RIT2: variants seen among roughly 807,000 people sequenced by gnomAD.
The protein encoded by RIT2 is GTP-binding protein Rit2.
A neutral mutation model predicts 23.7 loss-of-function variants in RIT2; 24 were observed. That is an observed-to-expected ratio of 1.01 (90% confidence interval 0.73 to 1.43). The LOEUF (loss-of-function observed/expected upper bound fraction) is 1.43. Among genes scored for constraint, RIT2 ranks in the 40% most tolerant of loss-of-function variants. The pLI, the probability that RIT2 is intolerant of heterozygous loss-of-function variation, is 0.00. For missense variants in RIT2, 236 were observed against 266.9 expected (o/e 0.88, Z 0.81); for synonymous variants, 107 against 91.1 (o/e 1.17, Z -0.99).
At chr18:42,968,009 T>C (rs1910277302) in intron 3 of RIT2, among the ~76,000 whole-genome samples, 1 of 152,166 alleles carries the variant, frequency 6.6e-6, no homozygotes. Flanking sequence ...TAATATCAAA[T>C]AGACTCAGAA....
chr18:42,820,038 T>C (rs1005559905), intron 4 of RIT2, among the ~76,000 whole-genome samples: 6 of 152,188 alleles, frequency 3.9e-5, no homozygotes, highest in African/African-American at 1.4e-4. Flanking sequence ...TATCATTTTA[T>C]TCATGTGGAT....
intron 4 of RIT2, among the ~76,000 whole-genome samples, chr18:42,758,674 C>T (rs146117710): frequency 0.02 from 2,618 of 129,594 alleles, 79 homozygotes; most frequent in African/African-American, 0.065. Flanking sequence ...CCACTGCACC[C>T]GGCTAATTTT....
chr18:43,056,753 C>G (rs1055092404), intron 1 of RIT2, among the ~76,000 whole-genome samples: 3 of 152,094 alleles, frequency 2.0e-5, no homozygotes, highest in Non-Finnish European at 2.9e-5. Context: ...TGAGTTGCTC[C>G]AGGCATTAGT....
intron 3 of RIT2, 32 bp from the exon 4 acceptor site, chr18:42,923,795 G>A (rs1909115123): frequency 1.3e-6 from 2 of 1,497,748 alleles, no homozygotes; most frequent in South Asian, 1.2e-5. Context: ...ATTAGTTATG[G>A]GCTTTCAATA....
rs537630539 is a variant in RIT2, at chr18:43,085,708, G to A, written c.103+29709C>T. ...CTTAAGGTTGTAGAGTATAGGGTTA[G>A]CATACCTTATCCAGTGACGTGGTTT... On this transcript the variant is annotated intron_variant, in intron 1 of 4. Coordinates refer to ENST00000326695, the MANE Select transcript of RIT2 (RefSeq NM_002930.4). 4.6e-5 allele frequency among the ~76,000 whole-genome samples: 7 copies of A among 152,246 alleles called. No homozygotes were observed. In the South Asian group the frequency reaches 1.5e-3, roughly 32 times the overall value.
chr18:43,043,524 G>T (rs1464345200), intron 1 of RIT2, among the ~76,000 whole-genome samples: 1 of 152,074 alleles, frequency 6.6e-6, no homozygotes, highest in African/African-American at 2.4e-5. Context: ...GGGCCTGGTG[G>T]CTCACGCTTG....
At position 43,079,590 on chromosome 18, in the gene RIT2, A is replaced by C. The variant is rs182092030; in HGVS notation, c.103+35827T>G. 3.3e-5 allele frequency among the ~76,000 whole-genome samples: 5 copies of C among 152,312 alleles called. 1 individual carries two copies. Among genetic ancestry groups the C allele is most frequent in the Admixed American group, 2.6e-4 (4 of 15,300 alleles). On this transcript the variant is annotated intron_variant, in intron 1 of 4. Coordinates refer to ENST00000326695, the MANE Select transcript of RIT2 (RefSeq NM_002930.4). ...AAAGCTGTCAAGAGGGTTCCTTGGA[A>C]AAACTCCAAGCAAGGGAAACCTGAC...
intron 1 of RIT2, among the ~76,000 whole-genome samples, chr18:43,059,859 C>G (rs565492104): frequency 6.6e-6 from 1 of 151,980 alleles, no homozygotes; most frequent in Non-Finnish European, 1.5e-5. Context: ...GATCAATTAA[C>G]TAGCAGGTTC....
intron 4 of RIT2, among the ~76,000 whole-genome samples, chr18:42,845,627 C>T (rs1906886707): frequency 6.7e-6 from 1 of 148,320 alleles, no homozygotes; most frequent in Admixed American, 6.7e-5. Context: ...TCCTTACATT[C>T]CAAATAATTT....
chr18:42,800,855 T>G (rs1905520167), intron 4 of RIT2, among the ~76,000 whole-genome samples: 1 of 152,058 alleles, frequency 6.6e-6, no homozygotes, highest in East Asian at 1.9e-4. Flanking sequence ...TCCTCCAAAC[T>G]CTCTTATGTT....
At chr18:42,989,022 G>A (rs560165662) in intron 2 of RIT2, among the ~76,000 whole-genome samples, 3 of 152,144 alleles carry the variant, frequency 2.0e-5, no homozygotes, top group Non-Finnish European at 4.4e-5. Flanking sequence ...TGAATATGAA[G>A]TTTTAATAAG....
At chr18:42,881,735 G>C (rs1207379023) in intron 4 of RIT2, among the ~76,000 whole-genome samples, 2 of 152,106 alleles carry the variant, frequency 1.3e-5, no homozygotes, top group Non-Finnish European at 2.9e-5. Flanking sequence ...CCCCTCTTCT[G>C]TGCTTCCTAG....
At chr18:43,092,178 T>C (rs921941733) in intron 1 of RIT2, among the ~76,000 whole-genome samples, 1 of 152,062 alleles carries the variant, frequency 6.6e-6, no homozygotes, top group African/African-American at 2.4e-5. Context: ...CTTTAGATTG[T>C]AGATGCCCAT....
At chr18:42,842,127 G>C (rs1047442523) in intron 4 of RIT2, among the ~76,000 whole-genome samples, 4 of 152,146 alleles carry the variant, frequency 2.6e-5, no homozygotes, top group Non-Finnish European at 2.9e-5. Context: ...TTCTCCCCAG[G>C]GGAAAACATT....
chr18:42,798,658 C>T (rs1472699935), intron 4 of RIT2, among the ~76,000 whole-genome samples: 2 of 152,242 alleles, frequency 1.3e-5, no homozygotes, highest in Admixed American at 6.5e-5. Flanking sequence ...TGACATTGCA[C>T]CTTATGTTCT....
chr18:43,072,517 C>A (rs1401043885), intron 1 of RIT2, among the ~76,000 whole-genome samples: 3 of 152,170 alleles, frequency 2.0e-5, no homozygotes, highest in Admixed American at 1.3e-4. Flanking sequence ...CTCTTCAAGT[C>A]TTTGGTAAAT....
chr18:42,884,470 CT>C (rs1476147751), intron 4 of RIT2, among the ~76,000 whole-genome samples: 1 of 152,174 alleles, frequency 6.6e-6, no homozygotes, highest in Non-Finnish European at 1.5e-5. Context: ...ATTTCTATCA[CT>C]TTTTCTCCTC....
chr18:42,832,321 T>C (rs1047978965), intron 4 of RIT2, among the ~76,000 whole-genome samples: 1 of 152,218 alleles, frequency 6.6e-6, no homozygotes, highest in African/African-American at 2.4e-5. Flanking sequence ...AAATATGTGA[T>C]TAATTTCCAA....
chr18:43,046,103 GC>G (rs1912240666), intron 1 of RIT2, among the ~76,000 whole-genome samples: 1 of 152,094 alleles, frequency 6.6e-6, no homozygotes, highest in Non-Finnish European at 1.5e-5. Flanking sequence ...GTCCTGATAG[GC>G]TGGAATGATG....
Sources: gnomAD v4.1 joint callset for allele counts (sites outside exome capture counted in the v4.1 genomes callset) on GRCh38, gnomAD v4.1.1 for gene constraint, MANE v1.5 for transcripts, NCBI Gene and HGNC (gene_info 2026-07-23, HGNC 2026-07-21) for gene names.